NEK6: variants seen among roughly 807,000 people sequenced by gnomAD.
NEK6 encodes the protein serine/threonine-protein kinase Nek6.
Under a neutral mutation model 43.5 loss-of-function variants are expected in NEK6, and 27 were observed. The observed-to-expected ratio is 0.62, with a 90% CI of 0.46 to 0.86. NEK6 has a LOEUF of 0.86. Among genes scored for constraint, NEK6 ranks in the 40% least tolerant of loss-of-function variants. The pLI, the probability that NEK6 is intolerant of heterozygous loss-of-function variation, is 0.00. For synonymous variants in NEK6, 167 were observed against 164.1 expected, an observed-to-expected ratio of 1.02 and a Z score of -0.14; for missense variants, 318 against 414.4, an observed-to-expected ratio of 0.77 and a Z score of 2.02.
At chr9:124,340,939 G>A (rs1259676621) in intron 8 of NEK6, among the ~76,000 whole-genome samples, 1 of 152,372 alleles carries the variant, frequency 6.6e-6, no homozygotes, top group African/African-American at 2.4e-5. Context: ...AGGGGGTCTT[G>A]TGGCCAGGGT....
intron 4 of NEK6, among the ~76,000 whole-genome samples, chr9:124,320,937 AT>A (rs201423834): frequency 1.3e-5 from 2 of 152,154 alleles, no homozygotes; most frequent in South Asian, 2.1e-4. Flanking sequence ...ACAAAAAAAT[AT>A]TTTAAAAAAA....
intron 1 of NEK6, among the ~76,000 whole-genome samples, chr9:124,298,297 C>T (rs1463431739): frequency 1.3e-5 from 2 of 152,144 alleles, no homozygotes; most frequent in Non-Finnish European, 2.9e-5. Context: ...CAGAGTCCTC[C>T]GTGGCTGCTG....
intron 9 of NEK6, among the ~76,000 whole-genome samples, chr9:124,349,078 C>T (rs1009885860): frequency 6.6e-6 from 1 of 152,228 alleles, no homozygotes; most frequent in Admixed American, 6.5e-5. Flanking sequence ...GCCGGAGGCT[C>T]CTCGCAGGGC....
chr9:124,260,374 G>A (rs922634436), intron 1 of NEK6, among the ~76,000 whole-genome samples: 21 of 152,012 alleles, frequency 1.4e-4, no homozygotes, highest in African/African-American at 5.1e-4. Flanking sequence ...ACGATAGATG[G>A]TCCCCATTTA....
chr9:124,346,174 T>C (rs1042246432), intron 8 of NEK6, among the ~76,000 whole-genome samples: 1 of 152,174 alleles, frequency 6.6e-6, no homozygotes, highest in Non-Finnish European at 1.5e-5. Context: ...GTGCTGAACC[T>C]GGGGCTGAGG....
chr9:124,268,086 C>G (rs1831294101), intron 1 of NEK6, among the ~76,000 whole-genome samples: 1 of 152,130 alleles, frequency 6.6e-6, no homozygotes, highest in Non-Finnish European at 1.5e-5. Context: ...ATTACCCAGT[C>G]CTGAAAATTT....
chr9:124,314,753 C>T (rs1264339825), intron 4 of NEK6, among the ~76,000 whole-genome samples: 1 of 152,082 alleles, frequency 6.6e-6, no homozygotes, highest in Non-Finnish European at 1.5e-5. Flanking sequence ...CTGCAATCCC[C>T]ACCTTCTCGG....
intron 2 of NEK6, among the ~76,000 whole-genome samples, chr9:124,311,068 C>T (rs1833502284): frequency 6.6e-6 from 1 of 152,214 alleles, no homozygotes; most frequent in Non-Finnish European, 1.5e-5. Flanking sequence ...AGGAGACGTG[C>T]CCCTGCTCCG....
chr9:124,339,547 G>GC, intron 7 of NEK6, 24 bp from the exon 8 acceptor site: 1 of 1,571,808 alleles, frequency 6.4e-7, no homozygotes, highest in East Asian at 2.2e-5. Context: ...AGCATAAGCA[G>GC]CCCCGCCCCT....
chr9:124,270,539 A>G (rs1831397723), intron 1 of NEK6, among the ~76,000 whole-genome samples: 1 of 152,066 alleles, frequency 6.6e-6, no homozygotes, highest in Non-Finnish European at 1.5e-5. Flanking sequence ...AAAAACACAA[A>G]AGTTTTTTCC....
At chr9:124,260,852 C>G (rs1294556485) in intron 1 of NEK6, among the ~76,000 whole-genome samples, 2 of 152,200 alleles carry the variant, frequency 1.3e-5, no homozygotes, top group Non-Finnish European at 2.9e-5. Context: ...CGCCAAAGAC[C>G]ATGTGCTAAT....
At chr9:124,317,946 C>T (rs533637032) in intron 4 of NEK6, among the ~76,000 whole-genome samples, 17 of 152,256 alleles carry the variant, frequency 1.1e-4, no homozygotes, top group African/African-American at 2.9e-4. Context: ...TAGATTGATT[C>T]GGTGTCTTTG....
chr9:124,289,341 G>C (rs1363029613), intron 1 of NEK6, among the ~76,000 whole-genome samples: 1 of 152,046 alleles, frequency 6.6e-6, no homozygotes, highest in Non-Finnish European at 1.5e-5. Flanking sequence ...TGCCTCTGCA[G>C]CTAGGACTCC....
chr9:124,282,588 C>T (rs979604544), intron 1 of NEK6, among the ~76,000 whole-genome samples: 7 of 151,174 alleles, frequency 4.6e-5, no homozygotes, highest in Non-Finnish European at 7.4e-5. Context: ...GGCGGGGGAA[C>T]GCTGTCACCA....
At chr9:124,277,172 T>C (rs1247122119) in intron 1 of NEK6, among the ~76,000 whole-genome samples, 1 of 152,136 alleles carries the variant, frequency 6.6e-6, no homozygotes, top group Admixed American at 6.5e-5. Flanking sequence ...GGGCCGGGTG[T>C]GGTGGCTCAC....
chr9:124,280,683 C>T (rs1831864402), intron 1 of NEK6, among the ~76,000 whole-genome samples: 1 of 152,232 alleles, frequency 6.6e-6, no homozygotes, highest in Admixed American at 6.5e-5. Flanking sequence ...TGGCACCTCG[C>T]TCTGTGGCTA....
In NEK6 at chr9:124,278,057, A is replaced by G. The variant is rs1335845840; in HGVS notation, c.-30+19972A>G. 3.3e-5 allele frequency among the ~76,000 whole-genome samples: 5 copies of G among 152,258 alleles called. 1 individual carries two copies. The highest frequency in any genetic ancestry group is 3.3e-4 in the Admixed American group (5 of 15,284). On this transcript the variant is annotated intron_variant, in intron 1 of 9. Transcript: ENST00000320246. ...AGACTGCGTATGTGACGTTGGTCCCATAAGATTATAATGCCATCTTTTGAC... is the reference window on the plus strand; with the variant it reads ...AGACTGCGTATGTGACGTTGGTCCCGTAAGATTATAATGCCATCTTTTGAC...
Position 124,260,333 on chromosome 9 carries a change from A to G in NEK6, c.-30+2248A>G, listed in dbSNP as rs373399302. ...AATGATAAAACTGAGGTTCAGAGAC[A>G]TGACTTGCATAATTTCATTAAAGTA... On this transcript the variant is annotated intron_variant, in intron 1 of 9. Transcript: ENST00000320246. Among the ~76,000 whole-genome samples the G allele has an allele frequency of 1.8e-4, 27 of 152,370 alleles. 1 individual carries two copies. The South Asian group carries it at 3.1e-3, about 18-fold the overall frequency.
In NEK6 at chr9:124,324,396, G is replaced by A. The variant is rs1834229266; in HGVS notation, c.406-1934G>A. 6.6e-6 allele frequency among the ~76,000 whole-genome samples: 1 copy of A among 152,234 alleles called. No individual in the cohort carries two copies. The highest frequency in any genetic ancestry group is 2.4e-5 in the African/African-American group (1 of 41,460). On this transcript the variant is annotated intron_variant, in intron 5 of 9. Coordinates refer to ENST00000320246, the MANE Select transcript of NEK6 (RefSeq NM_014397.6). This position sits in a 1 kb window ranked among gnomAD's most constrained non-coding sequence, Gnocchi z 5.3. ...AGCCTGCAGCCTCAAGGGCTGAGCT[G>A]CGCCATCACAGCCATGGTGCCCGAG...
Sources: gnomAD v4.1 joint callset for allele counts (sites outside exome capture counted in the v4.1 genomes callset) on GRCh38, gnomAD v4.1.1 for gene constraint, Gnocchi (gnomAD v3.1) non-coding constraint, MANE v1.5 for transcripts, NCBI Gene and HGNC (gene_info 2026-07-23, HGNC 2026-07-21) for gene names.